The following PHACTR3 variants were observed in gnomAD, a reference collection of about 807,000 sequenced individuals.
PHACTR3 encodes the protein phosphatase and actin regulator 3.
Under a neutral mutation model 66.8 loss-of-function variants are expected in PHACTR3, and 16 were observed. The ratio of observed to expected loss-of-function variants is 0.24; its 90% CI spans 0.16 to 0.36. The LOEUF is 0.36. PHACTR3 is among the 10% of genes least tolerant of loss of function. The pLI, the probability that PHACTR3 is intolerant of heterozygous loss-of-function variation, is 1.00. For missense variants in PHACTR3, 647 were observed against 719.9 expected, an observed-to-expected ratio of 0.90 and a Z score of 1.16; for synonymous variants, 323 against 292.1, an observed-to-expected ratio of 1.11 and a Z score of -1.08.
intron 3 of PHACTR3, among the ~76,000 whole-genome samples, chr20:59,754,768 C>A (rs1601276396): frequency 6.6e-6 from 1 of 152,250 alleles, no homozygotes; most frequent in Admixed American, 6.5e-5. Context: ...GAGGGACGAG[C>A]AGGGATGTGC....
intron 1 of PHACTR3, among the ~76,000 whole-genome samples, chr20:59,595,016 A>C (rs555814609): frequency 5.8e-4 from 89 of 152,322 alleles, no homozygotes; most frequent in Non-Finnish European, 1.0e-3. Context: ...AAATATTTTA[A>C]AATTTCACTC....
intron 8 of PHACTR3, among the ~76,000 whole-genome samples, chr20:59,821,594 G>C (rs1600716219): frequency 1.3e-5 from 2 of 152,222 alleles, no homozygotes; most frequent in Admixed American, 6.5e-5. Context: ...ATAAGAAGGG[G>C]AGAAGGGAGA....
At chr20:59,747,888 T>A in intron 3 of PHACTR3, 53 bp downstream of exon 3, 1 of 1,578,056 alleles carries the variant, frequency 6.3e-7, no homozygotes, top group Non-Finnish European at 8.7e-7. Flanking sequence ...GAATGCAGAA[T>A]GGAAAGTCTC....
At chr20:59,696,648 G>C (rs568953053) in intron 1 of PHACTR3, among the ~76,000 whole-genome samples, 2 of 152,314 alleles carry the variant, frequency 1.3e-5, no homozygotes, top group Non-Finnish European at 2.9e-5. Context: ...GCAGCTTGGT[G>C]CATACTAAGG....
intron 1 of PHACTR3, among the ~76,000 whole-genome samples, chr20:59,719,717 A>G (rs966415587): frequency 3.9e-5 from 6 of 152,190 alleles, no homozygotes; most frequent in African/African-American, 1.2e-4. Context: ...ATTCAGGGGA[A>G]TTAGTTCGGC....
intron 1 of PHACTR3, among the ~76,000 whole-genome samples, chr20:59,642,010 A>G (rs1286831356): frequency 6.6e-6 from 1 of 152,148 alleles, no homozygotes; most frequent in Non-Finnish European, 1.5e-5. Flanking sequence ...TGGCTGTCCT[A>G]GCTCCTGGGG....
At chr20:59,755,484 G>A (rs2039753919) in intron 4 of PHACTR3, 120 bp downstream of exon 4, 5 of 1,191,790 alleles carry the variant, frequency 4.2e-6, no homozygotes, top group Non-Finnish European at 5.8e-6. Flanking sequence ...CAGAGAGCTG[G>A]GCCCGTGCTC....
intron 1 of PHACTR3, among the ~76,000 whole-genome samples, chr20:59,661,894 C>T (rs1206556759): frequency 2.0e-5 from 3 of 152,122 alleles, no homozygotes; most frequent in South Asian, 2.1e-4. Flanking sequence ...AGGGTGACCG[C>T]TAGTGGCAGG....
At chr20:59,618,062 G>T (rs965079596) in intron 1 of PHACTR3, among the ~76,000 whole-genome samples, 2 of 152,236 alleles carry the variant, frequency 1.3e-5, no homozygotes, top group Non-Finnish European at 2.9e-5. Flanking sequence ...GGGTCCAGGG[G>T]AGGGCACTTG....
Position 59,635,149 on chromosome 20 carries a change from T to TTTTC in PHACTR3, c.118+30034_118+30037dup, listed in dbSNP as rs372955142. On this transcript the variant is annotated intron_variant, in intron 1 of 12. Transcript: ENST00000371015. The stretch of plus-strand genomic sequence containing the variant: ...TTTCTTTCTTTCTTTCTTTCTTTCT[T>TTTTC]TTTCTTTCTTTCTTTCTTTCCTTTC... 8.3e-4 allele frequency among the ~76,000 whole-genome samples: 50 copies of TTTTC among 60,406 alleles called. 3 individuals are homozygous for TTTTC. The highest frequency in any genetic ancestry group is 7.1e-3 in the Admixed American group (36 of 5,080). The allele number at this position is 60,406 out of a possible 152,430, so 39.6% of individuals were successfully genotyped here.
chr20:59,829,132 C>T lies in PHACTR3; in HGVS notation c.1329-7373C>T, dbSNP rs2042273652. On this transcript the variant is annotated intron_variant, in intron 8 of 12. Transcript: ENST00000371015. The surrounding 1 kb of genome is among the most constrained non-coding windows in gnomAD (Gnocchi z 4.2). ...GGAGCAGGTGTGAGGAGGTGGGGAA[C>T]AGGGTGTGAAAAGGTCGGCTTTGGA... is the stretch of plus-strand genomic sequence containing the variant. Among the ~76,000 whole-genome samples, 1 of 152,050 alleles carries T rather than the reference C, an allele frequency of 6.6e-6. No homozygotes were observed. The highest frequency in any genetic ancestry group is 1.5e-5 in the Non-Finnish European group (1 of 67,996).
chr20:59,741,831 T>C (rs1055746563), intron 1 of PHACTR3, among the ~76,000 whole-genome samples: 4 of 151,866 alleles, frequency 2.6e-5, no homozygotes, highest in Admixed American at 6.6e-5. Context: ...GGTGTGATCT[T>C]GGCTCACTGC....
intron 1 of PHACTR3, among the ~76,000 whole-genome samples, chr20:59,719,594 C>T (rs750057008): frequency 8.5e-5 from 13 of 152,188 alleles, no homozygotes; most frequent in Non-Finnish European, 1.9e-4. Flanking sequence ...AGCCCACCTT[C>T]CCCCAGGGCA....
chr20:59,836,588 T>G, intron 9 of PHACTR3, 28 bp downstream of exon 9: 2 of 1,602,902 alleles, frequency 1.2e-6, no homozygotes, highest in South Asian at 1.1e-5. Context: ...CCTCTAGAGG[T>G]TTTCCTTCAC....
intron 1 of PHACTR3, among the ~76,000 whole-genome samples, chr20:59,629,285 G>T (rs897068474): frequency 6.6e-6 from 1 of 152,160 alleles, no homozygotes; most frequent in African/African-American, 2.4e-5. Flanking sequence ...TGCTTCTCTG[G>T]TGCCTGTGGA....
intron 8 of PHACTR3, 87 bp from the exon 9 acceptor site, chr20:59,836,418 C>T: frequency 2.3e-6 from 3 of 1,331,138 alleles, no homozygotes; most frequent in Admixed American, 2.4e-5. Context: ...TAGGGGTTTG[C>T]CAGCCACCTC....
In PHACTR3 at chr20:59,621,822, C is replaced by T. The variant is rs2034250896; in HGVS notation, c.118+16690C>T. Among the ~76,000 whole-genome samples the T allele has an allele frequency of 2.6e-5, 4 of 152,220 alleles. 1 individual carries two copies. The South Asian group carries it at 8.3e-4, about 31-fold the overall frequency. On this transcript the variant is annotated intron_variant, in intron 1 of 12. Coordinates refer to ENST00000371015, the MANE Select transcript of PHACTR3 (RefSeq NM_080672.5). ...GAGGACAAAGGAAGGGAGGTCACCTCTACAGAATCACATGGCACTTAATTT... is the reference window on the plus strand; with the variant it reads ...GAGGACAAAGGAAGGGAGGTCACCTTTACAGAATCACATGGCACTTAATTT...
chr20:59,671,120 T>C lies in PHACTR3; in HGVS notation c.118+65988T>C, dbSNP rs192747848. Among the ~76,000 whole-genome samples the C allele has an allele frequency of 7.2e-4, 110 of 152,328 alleles. 3 individuals are homozygous for C. The East Asian group carries it at 0.02, about 28-fold the overall frequency. On this transcript the variant is annotated intron_variant, in intron 1 of 12. Transcript: ENST00000371015. Reference sequence around the variant, plus strand: ...CTTCTGTTTATTCTGAGCTTTTTTTTCTTCATTTAGCATCAATTCCTGTCA... The same window carrying C: ...CTTCTGTTTATTCTGAGCTTTTTTTCCTTCATTTAGCATCAATTCCTGTCA...
chr20:59,752,263 G>A (rs147770065), intron 3 of PHACTR3, among the ~76,000 whole-genome samples: 5 of 152,332 alleles, frequency 3.3e-5, no homozygotes, highest in Non-Finnish European at 5.9e-5. Context: ...CACGACACAC[G>A]TGTGTGCCTG....
Sources: gnomAD v4.1 joint callset for allele counts (sites outside exome capture counted in the v4.1 genomes callset) on GRCh38, gnomAD v4.1.1 for gene constraint, Gnocchi (gnomAD v3.1) non-coding constraint, MANE v1.5 for transcripts, NCBI Gene and HGNC (gene_info 2026-07-23, HGNC 2026-07-21) for gene names.